The following CSMD1 variants were observed in gnomAD, a reference collection of about 807,000 sequenced individuals.
CSMD1 encodes the protein CUB and sushi domain-containing protein 1.
Under a neutral mutation model 417.5 loss-of-function variants are expected in CSMD1, and 213 were observed. That is an observed-to-expected ratio of 0.51 (90% CI 0.46 to 0.57). The LOEUF (loss-of-function observed/expected upper bound fraction) is 0.57. Ranked by LOEUF, CSMD1 falls within the 20% of genes least tolerant of loss-of-function variation. The probability of loss-of-function intolerance (pLI) is 0.00; values close to 1 mark genes in which losing one functional copy is unlikely to be tolerated. For missense variants in CSMD1, 6,923 were observed against 4,529.7 expected (o/e 1.53, Z -15.17); for synonymous variants, 2,862 against 1,736.8 (o/e 1.65, Z -16.11).
intron 3 of CSMD1, among the ~76,000 whole-genome samples, chr8:4,085,377 A>G (rs1800364971): frequency 6.6e-6 from 1 of 152,234 alleles, no homozygotes; most frequent in Admixed American, 6.5e-5. Flanking sequence ...AAAAGAAGCT[A>G]TATTGGAGAA....
rs539033516 is a variant in CSMD1 at position 4,135,032 on chromosome 8, G to C, written c.416-102933C>G. The stretch of plus-strand genomic sequence containing the variant: ...ATTTTTATTGATTATTTTGTGAGAG[G>C]ATAGACCCCTTTCTTAAACTCTTAG... On this transcript the variant is annotated intron_variant, in intron 3 of 69. Transcript: ENST00000635120. Among the ~76,000 whole-genome samples, 77 of 152,146 alleles carry C rather than the reference G, an allele frequency of 5.1e-4. 1 individual carries two copies. In the South Asian group the frequency reaches 0.011, roughly 21 times the overall value.
chr8:4,337,987 T>G (rs1449238460), intron 3 of CSMD1, among the ~76,000 whole-genome samples: 1 of 152,150 alleles, frequency 6.6e-6, no homozygotes, highest in Non-Finnish European at 1.5e-5. Context: ...CTGTAAAATG[T>G]CTGTATTCCC....
rs77680485 is a variant in CSMD1 at position 3,444,595 on chromosome 8, A to G, written c.1561+24117T>C. Among the ~76,000 whole-genome samples, 14 of 152,282 alleles carry G rather than the reference A, an allele frequency of 9.2e-5. No homozygotes were observed. In the East Asian group the frequency reaches 9.7e-4, roughly 11 times the overall value. ...ACTGGTATCTGGTGGGTCAAGGCCA[A>G]TGATGCTCCTAAAAACCTACAGTCA... On this transcript the variant is annotated intron_variant, in intron 12 of 69. Transcript: ENST00000635120.
chr8:4,322,593 A>G (rs551583068), intron 3 of CSMD1, among the ~76,000 whole-genome samples: 20 of 152,232 alleles, frequency 1.3e-4, no homozygotes, highest in Admixed American at 2.6e-4. Context: ...TTCAACATAA[A>G]AGACATGTTG....
At chr8:4,167,336 G>A (rs573562736) in intron 3 of CSMD1, among the ~76,000 whole-genome samples, 4 of 152,126 alleles carry the variant, frequency 2.6e-5, no homozygotes, top group Admixed American at 6.5e-5. Context: ...ATCTAAGTAA[G>A]ACTTTGTGAA....
chr8:3,274,430 G>A (rs1802114075), intron 26 of CSMD1, among the ~76,000 whole-genome samples: 1 of 152,162 alleles, frequency 6.6e-6, no homozygotes, highest in Non-Finnish European at 1.5e-5. Flanking sequence ...GAGTTCTGTA[G>A]ATGTCTATTA....
chr8:3,500,869 C>A (rs1229265807), intron 10 of CSMD1, among the ~76,000 whole-genome samples: 1 of 152,082 alleles, frequency 6.6e-6, no homozygotes, highest in East Asian at 1.9e-4. Flanking sequence ...TCTCAGGTAT[C>A]TTAACTAACA....
intron 10 of CSMD1, among the ~76,000 whole-genome samples, chr8:3,536,393 C>A (rs1476183825): frequency 1.3e-5 from 2 of 152,324 alleles, no homozygotes; most frequent in Non-Finnish European, 2.9e-5. Context: ...GATTCTACTA[C>A]GTGCAACTGT....
chr8:3,922,778 G>C (rs1323811179), intron 5 of CSMD1, among the ~76,000 whole-genome samples: 6 of 151,768 alleles, frequency 4.0e-5, no homozygotes, highest in African/African-American at 1.5e-4. Context: ...TAGTACATTT[G>C]TCTGTACTTT....
rs1352790741 is a variant in CSMD1 at position 4,127,476 on chromosome 8, A to G, written c.416-95377T>C. ...ATGAAAAAAAAAAAAAAAAAAAAAA[A>G]AAAGAAAATCATAAAAACTAACTTC... is the stretch of plus-strand genomic sequence containing the variant. On this transcript the variant is annotated intron_variant, in intron 3 of 69. Transcript: ENST00000635120. Among the ~76,000 whole-genome samples the G allele has an allele frequency of 6.3e-4, 72 of 115,184 alleles. 1 individual carries two copies. The East Asian group carries it at 0.01, about 16-fold the overall frequency. The allele number at this position is 115,184 out of a possible 152,430, so 75.6% of individuals were successfully genotyped here.
intron 10 of CSMD1, among the ~76,000 whole-genome samples, chr8:3,546,106 AG>A (rs1798649528): frequency 6.6e-6 from 1 of 152,220 alleles, no homozygotes. Flanking sequence ...GTAAAATCCA[AG>A]AAAATATGTT....
At chr8:4,511,693 G>T (rs1443179584) in intron 2 of CSMD1, among the ~76,000 whole-genome samples, 1 of 152,150 alleles carries the variant, frequency 6.6e-6, no homozygotes, top group Admixed American at 6.5e-5. Context: ...GGAAGGCAGA[G>T]CCGTAACTGA....
intron 1 of CSMD1, among the ~76,000 whole-genome samples, chr8:4,892,064 A>C (rs890139045): frequency 3.3e-5 from 5 of 152,132 alleles, no homozygotes; most frequent in African/African-American, 1.2e-4. Context: ...AGTCAGTAGA[A>C]GGTGCGGGAG....
At chr8:4,287,965 G>C (rs926938343) in intron 3 of CSMD1, among the ~76,000 whole-genome samples, 16 of 152,048 alleles carry the variant, frequency 1.1e-4, no homozygotes, top group Admixed American at 8.5e-4. Context: ...CAAATCCCAA[G>C]ACAATATGAT....
intron 3 of CSMD1, among the ~76,000 whole-genome samples, chr8:4,348,826 A>G (rs949738908): frequency 1.3e-5 from 2 of 152,200 alleles, no homozygotes; most frequent in Non-Finnish European, 2.9e-5. Context: ...ACCCAGTTAA[A>G]TCAATAAGCT....
At chr8:3,842,854 T>C (rs1475796799) in intron 5 of CSMD1, among the ~76,000 whole-genome samples, 2 of 152,128 alleles carry the variant, frequency 1.3e-5, no homozygotes, top group African/African-American at 4.8e-5. Context: ...AATGGGAATA[T>C]AGGATTAATA....
chr8:3,796,289 G>GATATATATATCTATCATGTATAC lies in CSMD1; in HGVS notation c.819-42248_819-42247insGTATACATGATAGATATATATAT, dbSNP rs1554440626. On this transcript the variant is annotated intron_variant, in intron 5 of 69. Transcript: ENST00000635120. ...TATAGATATATATCTATCATGTATA[G>GATATATATATCTATCATGTATAC]ATATATCTATCATGTATAGATATAG... Among the ~76,000 whole-genome samples the GATATATATATCTATCATGTATAC allele has an allele frequency of 4.3e-5, 2 of 46,040 alleles. 1 individual carries two copies. Among genetic ancestry groups the GATATATATATCTATCATGTATAC allele is most frequent in the Admixed American group, 5.4e-4 (2 of 3,726 alleles). 30.2% of individuals were successfully genotyped at this position (46,040 alleles called of 152,430 possible).
At position 4,566,430 on chromosome 8, in the gene CSMD1, G is replaced by A. The variant is rs561159718; in HGVS notation, c.302+70912C>T. Among the ~76,000 whole-genome samples the A allele has an allele frequency of 1.8e-4, 27 of 151,656 alleles. No homozygotes were observed. The East Asian group carries it at 5.2e-3, about 29-fold the overall frequency. Reference sequence around the variant, plus strand: ...TCACTTTGGGAGGCCGAGGTGGGTTGATCACGAGGTCAAGAGAACGAGACC... The same window carrying A: ...TCACTTTGGGAGGCCGAGGTGGGTTAATCACGAGGTCAAGAGAACGAGACC... On this transcript the variant is annotated intron_variant, in intron 2 of 69. Transcript: ENST00000635120.
chr8:3,742,466 G>C lies in CSMD1; in HGVS notation c.931+11464C>G, dbSNP rs141439410. ...TCTATCTAATGCTTACAATAGGCCT[G>C]CGGTCTATGATTTATACATTTTTAA... On this transcript the variant is annotated intron_variant, in intron 6 of 69. Transcript: ENST00000635120. Among the ~76,000 whole-genome samples the C allele has an allele frequency of 9.5e-3, 1,451 of 152,252 alleles. 15 individuals are homozygous for C. The highest frequency in any genetic ancestry group is 0.028 in the South Asian group (133 of 4,816).
Sources: allele counts gnomAD v4.1 joint callset (sites outside exome capture counted in the v4.1 genomes callset), GRCh38; gene constraint gnomAD v4.1.1; transcripts MANE v1.5; gene names NCBI Gene and HGNC (gene_info 2026-07-23, HGNC 2026-07-21).